The following MITF variants were observed in gnomAD, a reference collection of about 807,000 sequenced individuals.
MITF encodes melanocyte inducing transcription factor, also known as microphthalmia-associated transcription factor.
Under a neutral mutation model 60.5 loss-of-function variants are expected in MITF, and 17 were observed. The observed-to-expected ratio is 0.28, with a 90% CI of 0.19 to 0.42. MITF has a LOEUF of 0.42. MITF is among the 10% of genes least tolerant of loss of function. The pLI is 1.00. For synonymous variants in MITF, 260 were observed against 248.5 expected, an observed-to-expected ratio of 1.05 and a Z score of -0.43; for missense variants, 622 against 683.5, an observed-to-expected ratio of 0.91 and a Z score of 1.00.
chr3:69,831,643 G>T (rs948855362), intron 1 of MITF, among the ~76,000 whole-genome samples: 4 of 152,132 alleles, frequency 2.6e-5, no homozygotes, highest in African/African-American at 9.7e-5. Context: ...TGAATGCTTG[G>T]GTTGTTTGCT....
chr3:69,766,148 T>C (rs532855154), intron 1 of MITF, among the ~76,000 whole-genome samples: 34 of 151,788 alleles, frequency 2.2e-4, no homozygotes, highest in Non-Finnish European at 4.4e-4. Context: ...TTAACTGGAG[T>C]ATGCATTAAA....
At chr3:69,816,710 A>AT (rs1361685188) in intron 1 of MITF, among the ~76,000 whole-genome samples, 2 of 152,168 alleles carry the variant, frequency 1.3e-5, no homozygotes, top group Admixed American at 1.3e-4. Context: ...GTAGTACCTA[A>AT]TTCATAGGGG....
At position 69,938,085 on chromosome 3, in the gene MITF, T is replaced by G. The variant is rs780638251; in HGVS notation, c.582+36T>G. 3 of 1,593,852 alleles carry G rather than the reference T, an allele frequency of 1.9e-6. 1 individual carries two copies. The South Asian group carries it at 3.3e-5, about 18-fold the overall frequency. On this transcript the variant is annotated intron_variant, in intron 3 of 9. Transcript: ENST00000352241. Reference sequence around the variant, plus strand: ...TCTCCTCTCCTCTCCTGTTTTCTTATGCTAAATAACTTGTCTGTTGAATAT... The same window carrying G: ...TCTCCTCTCCTCTCCTGTTTTCTTAGGCTAAATAACTTGTCTGTTGAATAT...
At chr3:69,909,053 G>T (rs935216238) in intron 2 of MITF, among the ~76,000 whole-genome samples, 1 of 152,024 alleles carries the variant, frequency 6.6e-6, no homozygotes, top group African/African-American at 2.4e-5. Flanking sequence ...CGGCTTGGCT[G>T]TGTCCCCAAC....
intron 1 of MITF, among the ~76,000 whole-genome samples, chr3:69,863,390 A>G (rs1344672689): frequency 6.6e-6 from 1 of 152,228 alleles, no homozygotes; most frequent in Non-Finnish European, 1.5e-5. Flanking sequence ...ACTGTAAGGT[A>G]GATCTTTCTA....
intron 1 of MITF, among the ~76,000 whole-genome samples, chr3:69,773,844 C>T (rs1247301939): frequency 6.6e-6 from 1 of 152,132 alleles, no homozygotes; most frequent in African/African-American, 2.4e-5. Flanking sequence ...AGCCTTAATA[C>T]TATTTTTTGT....
intron 1 of MITF, among the ~76,000 whole-genome samples, chr3:69,760,571 T>C (rs1322881191): frequency 2.0e-5 from 3 of 152,034 alleles, no homozygotes; most frequent in Non-Finnish European, 2.9e-5. Context: ...AGAAAAAGGG[T>C]GGTAACTTTT....
chr3:69,920,904 G>C (rs1347585454), intron 2 of MITF, among the ~76,000 whole-genome samples: 1 of 152,180 alleles, frequency 6.6e-6, no homozygotes, highest in East Asian at 1.9e-4. Flanking sequence ...GTCTCACTCT[G>C]TTGCCCAGGC....
At chr3:69,865,886 A>T (rs2064104690) in intron 1 of MITF, among the ~76,000 whole-genome samples, 1 of 152,148 alleles carries the variant, frequency 6.6e-6, no homozygotes, top group Non-Finnish European at 1.5e-5. Context: ...GACTCCAGTA[A>T]GTGTTGACAA....
At chr3:69,777,682 A>G (rs184963213) in intron 1 of MITF, among the ~76,000 whole-genome samples, 2 of 152,310 alleles carry the variant, frequency 1.3e-5, no homozygotes, top group African/African-American at 2.4e-5. Context: ...TTCCTAGATT[A>G]TATGATCTAG....
chr3:69,791,476 A>C (rs1351121501), intron 1 of MITF, among the ~76,000 whole-genome samples: 1 of 152,208 alleles, frequency 6.6e-6, no homozygotes, highest in Non-Finnish European at 1.5e-5. Flanking sequence ...GCAAGCAAAA[A>C]CAACCATGTT....
chr3:69,903,437 A>G, intron 2 of MITF, among the ~76,000 whole-genome samples: 1 of 152,112 alleles, frequency 6.6e-6, no homozygotes, highest in Non-Finnish European at 1.5e-5. Context: ...CTGACTAACT[A>G]TCTTGCAGAT....
intron 7 of MITF, among the ~76,000 whole-genome samples, chr3:69,955,324 T>C (rs958400803): frequency 3.3e-5 from 5 of 152,218 alleles, no homozygotes; most frequent in African/African-American, 1.2e-4. Flanking sequence ...TGATTGCCTG[T>C]TAAAATAATA....
chr3:69,803,314 C>A (rs1239367825), intron 1 of MITF, among the ~76,000 whole-genome samples: 1 of 152,146 alleles, frequency 6.6e-6, no homozygotes, highest in African/African-American at 2.4e-5. Context: ...CTAAGAAACT[C>A]TGTTGTCTGT....
chr3:69,925,185 C>G (rs1420578272), intron 2 of MITF, among the ~76,000 whole-genome samples: 1 of 152,114 alleles, frequency 6.6e-6, no homozygotes, highest in African/African-American at 2.4e-5. Flanking sequence ...ATCAGCATCT[C>G]CAGCAACTAT....
chr3:69,931,980 T>C (rs2065734417), intron 2 of MITF, among the ~76,000 whole-genome samples: 1 of 152,246 alleles, frequency 6.6e-6, no homozygotes, highest in Non-Finnish European at 1.5e-5. Context: ...AAGCATATCC[T>C]GTATTCTTAC....
intron 2 of MITF, among the ~76,000 whole-genome samples, chr3:69,883,850 C>T (rs986319200): frequency 6.6e-6 from 1 of 152,148 alleles, no homozygotes; most frequent in African/African-American, 2.4e-5. Context: ...CCAGCATATA[C>T]TTATGACCCT....
At chr3:69,746,396 C>G (rs1175612359) in intron 1 of MITF, among the ~76,000 whole-genome samples, 2 of 152,126 alleles carry the variant, frequency 1.3e-5, no homozygotes, top group Admixed American at 1.3e-4. Context: ...AAATTTCCCT[C>G]TCCAACTGCT....
chr3:69,938,497 G>A, intron 3 of MITF: 2 of 1,458,614 alleles, frequency 1.4e-6, no homozygotes, highest in Non-Finnish European at 1.8e-6. Context: ...CTGAGTTGGG[G>A]GAAGAAAGAA....
Sources: gnomAD v4.1 joint callset for allele counts (sites outside exome capture counted in the v4.1 genomes callset) on GRCh38, gnomAD v4.1.1 for gene constraint, MANE v1.5 for transcripts, NCBI Gene and HGNC (gene_info 2026-07-23, HGNC 2026-07-21) for gene names.